The following RELL1 variants were observed in gnomAD, a reference collection of about 807,000 sequenced individuals.
The protein encoded by RELL1 is RELT-like protein 1.
Under a neutral mutation model 23.0 loss-of-function variants are expected in RELL1, and 10 were observed. The ratio of observed to expected loss-of-function variants is 0.43; its 90% CI spans 0.27 to 0.74. The LOEUF (loss-of-function observed/expected upper bound fraction) is 0.74. Ranked by LOEUF, RELL1 falls within the 30% of genes least tolerant of loss-of-function variation. RELL1 has a pLI of 0.19. For missense variants in RELL1, 315 were observed against 364.4 expected (o/e 0.86, Z 1.10); for synonymous variants, 146 against 146.8 (o/e 0.99, Z 0.04).
chr4:37,660,766 T>C (rs13128262), intron 1 of RELL1, among the ~76,000 whole-genome samples: 1 of 152,026 alleles, frequency 6.6e-6, no homozygotes, highest in Non-Finnish European at 1.5e-5. Context: ...GCGCGGTGGC[T>C]CACGCCTGTA....
intron 1 of RELL1, among the ~76,000 whole-genome samples, chr4:37,683,809 C>T (rs1254444999): frequency 1.3e-5 from 2 of 151,314 alleles, no homozygotes; most frequent in Non-Finnish European, 2.9e-5. Flanking sequence ...CGGCCGGGCG[C>T]GGTGGCTCAC....
chr4:37,645,257 C>T (rs1234074749), intron 3 of RELL1, among the ~76,000 whole-genome samples: 2 of 152,180 alleles, frequency 1.3e-5, no homozygotes, highest in Non-Finnish European at 2.9e-5. Context: ...CCCACAGCCA[C>T]GAAAGGCAGT....
intron 6 of RELL1, among the ~76,000 whole-genome samples, chr4:37,616,465 A>G (rs1719578318): frequency 6.6e-6 from 1 of 152,242 alleles, no homozygotes; most frequent in Non-Finnish European, 1.5e-5. Flanking sequence ...AAGGAAATGC[A>G]GAAACTAGAA....
chr4:37,596,107 A>G (rs1197760975), intron 6 of RELL1, among the ~76,000 whole-genome samples: 3 of 152,280 alleles, frequency 2.0e-5, no homozygotes, highest in Admixed American at 6.5e-5. Context: ...CTTCCCATAC[A>G]TGTGCCTCTT....
Position 37,649,510 on chromosome 4 carries a change from G to A in RELL1, c.89-10C>T, listed in dbSNP as rs1720823372. 6.2e-7 allele frequency: 1 copy of A among 1,608,662 alleles called. No homozygotes were observed. The highest frequency in any genetic ancestry group is 1.1e-5 in the South Asian group (1 of 90,908). On this transcript the variant is annotated splice_polypyrimidine_tract_variant and intron_variant, in intron 1 of 6. Transcript: ENST00000454158. ...CGGCTGCTCCCATTGTCTACAGAAA[G>A]AAACATGCATGCTGCATTAGATATC...
chr4:37,586,367 T>A (rs967289018), downstream of RELL1, among the ~76,000 whole-genome samples: 1 of 152,188 alleles, frequency 6.6e-6, no homozygotes, highest in Non-Finnish European at 1.5e-5. Flanking sequence ...TCCACATTTA[T>A]TGACTGCCTG....
At chr4:37,616,909 C>T (rs1475141164) in intron 6 of RELL1, among the ~76,000 whole-genome samples, 1 of 152,144 alleles carries the variant, frequency 6.6e-6, no homozygotes, top group East Asian at 1.9e-4. Context: ...GTACTGCCTG[C>T]GTAGATCGGC....
chr4:37,597,826 G>A lies in RELL1; in HGVS notation c.*4-6609C>T, dbSNP rs191908229. The stretch of plus-strand genomic sequence containing the variant: ...AGCACTTTGGGAGGCCGAGGCAGGC[G>A]GATCACTTGAGGTCAGGAGTTCAAG... On this transcript the variant is annotated intron_variant, in intron 6 of 6. Transcript: ENST00000314117. 1.4e-4 allele frequency among the ~76,000 whole-genome samples: 21 copies of A among 152,052 alleles called. No homozygotes were observed. In the East Asian group the frequency reaches 3.3e-3, roughly 24 times the overall value.
chr4:37,594,150 A>G (rs1377658433), intron 6 of RELL1, among the ~76,000 whole-genome samples: 1 of 152,216 alleles, frequency 6.6e-6, no homozygotes, highest in African/African-American at 2.4e-5. Context: ...GGCCCCTTTC[A>G]TCTTTACTCC....
intron 1 of RELL1, among the ~76,000 whole-genome samples, chr4:37,652,573 T>A (rs11929982): frequency 0.54 from 82,441 of 152,002 alleles, 23,348 homozygotes; most frequent in Middle Eastern, 0.66. Flanking sequence ...AATCACTGTC[T>A]GTTTCAATCT....
intron 1 of RELL1, among the ~76,000 whole-genome samples, 159 bp downstream of exon 1, chr4:37,686,041 C>A (rs1162869905): frequency 6.6e-6 from 1 of 152,236 alleles, no homozygotes; most frequent in African/African-American, 2.4e-5. Context: ...CCGCGCCCTG[C>A]CCGGACCGCC....
downstream of RELL1, chr4:37,590,344 G>T: frequency 6.2e-7 from 1 of 1,613,696 alleles, no homozygotes; most frequent in Non-Finnish European, 8.5e-7. Context: ...CCATGCCTGC[G>T]GTGTCAACGG....
In RELL1 at chr4:37,639,383, C is replaced by CAAAAA. The variant is rs58310167; in HGVS notation, c.386-884_386-880dup. Among the ~76,000 whole-genome samples the CAAAAA allele has an allele frequency of 1.4e-3, 93 of 66,180 alleles. 2 individuals are homozygous for CAAAAA. The highest frequency in any genetic ancestry group is 2.8e-3 in the East Asian group (7 of 2,486). The allele number at this position is 66,180 out of a possible 152,430, so 43.4% of individuals were successfully genotyped here. A position where few individuals can be genotyped will look rare whatever the true frequency, so the allele number is the denominator to read the frequency against. ...TGGGCGATGAAGCGAGACTCTGTCT[C>CAAAAA]AAAAAAAAAAAAAAAAAAAAAAAAA... On this transcript the variant is annotated intron_variant, in intron 3 of 6. Coordinates refer to ENST00000454158, the MANE Select transcript of RELL1 (RefSeq NM_001085400.2).
rs12142 is a variant in RELL1 at position 37,610,904 on chromosome 4, G to T, written c.*2442C>A. ...AAACATCAGTTGCTTTGGGAACACA[G>T]GAATTCTCATCAGATAGTTCAGTAT... On this transcript the variant is annotated 3_prime_UTR_variant, in exon 7 of 7. Transcript: ENST00000454158. This position sits in a 1 kb window ranked among gnomAD's most constrained non-coding sequence, Gnocchi z 4.1. 6.6e-6 allele frequency among the ~76,000 whole-genome samples: 1 copy of T among 152,004 alleles called. No homozygotes were observed. The highest frequency in any genetic ancestry group is 1.5e-5 in the Non-Finnish European group (1 of 67,986).
rs1560343258 is a variant in RELL1, at chr4:37,643,157, A to G, written c.385+4211T>C. 3.9e-5 allele frequency among the ~76,000 whole-genome samples: 6 copies of G among 152,348 alleles called. No homozygotes were observed. The South Asian group carries it at 1.0e-3, about 26-fold the overall frequency. On this transcript the variant is annotated intron_variant, in intron 3 of 6. Transcript: ENST00000454158. ...GGGATCTGACGCTAACTCTAGGTAGACAGAGTCAGAACTGTATTAAATTGC... is the reference window on the plus strand; with the variant it reads ...GGGATCTGACGCTAACTCTAGGTAGGCAGAGTCAGAACTGTATTAAATTGC...
chr4:37,593,325 C>T (rs1048661792), intron 6 of RELL1, among the ~76,000 whole-genome samples: 2 of 152,102 alleles, frequency 1.3e-5, no homozygotes, highest in African/African-American at 2.4e-5. Context: ...GTATCACTGG[C>T]CCGTGTATCA....
Position 37,633,179 on chromosome 4 carries a change from C to G in RELL1, c.681-1656G>C, listed in dbSNP as rs150092498. Among the ~76,000 whole-genome samples, 255 of 152,242 alleles carry G rather than the reference C, an allele frequency of 1.7e-3. 2 individuals are homozygous for G. In the East Asian group the frequency reaches 0.023, roughly 14 times the overall value. On this transcript the variant is annotated intron_variant, in intron 5 of 6. Coordinates refer to ENST00000454158, the MANE Select transcript of RELL1 (RefSeq NM_001085400.2). ...ATCCCAACACTTTGGGAGGCCAAGA[C>G]AGGTGGATCACTTGAGGTCAGGAGT...
intron 6 of RELL1, among the ~76,000 whole-genome samples, chr4:37,603,151 C>T (rs946886954): frequency 2.0e-5 from 3 of 152,094 alleles, no homozygotes; most frequent in African/African-American, 4.8e-5. Flanking sequence ...ACAGCACCAA[C>T]CCCCCAACGG....
intron 1 of RELL1, among the ~76,000 whole-genome samples, chr4:37,679,548 T>G (rs1020706020): frequency 6.6e-6 from 1 of 152,186 alleles, no homozygotes; most frequent in Non-Finnish European, 1.5e-5. Flanking sequence ...CCTTGTGATT[T>G]TAGGAAGGTA....
Sources: allele counts gnomAD v4.1 joint callset (sites outside exome capture counted in the v4.1 genomes callset), GRCh38; gene constraint gnomAD v4.1.1; non-coding constraint Gnocchi (gnomAD v3.1); transcripts MANE v1.5; gene names NCBI Gene and HGNC (gene_info 2026-07-23, HGNC 2026-07-21).